Variants in PTPN11 observed in about 807,000 individuals in gnomAD.
The protein encoded by PTPN11 is tyrosine-protein phosphatase non-receptor type 11.
In PTPN11, 6 loss-of-function variants were observed where a neutral mutation model predicts 78.8. That is an observed-to-expected ratio of 0.08 (90% CI 0.04 to 0.15). PTPN11 has a LOEUF of 0.15. PTPN11 is among the 10% of genes least tolerant of loss of function. PTPN11 has a pLI of 1.00. For synonymous variants in PTPN11, 221 were observed against 263.5 expected (o/e 0.84, Z 1.56); for missense variants, 386 against 744.8 (o/e 0.52, Z 5.61).
intron 9 of PTPN11, among the ~76,000 whole-genome samples, chr12:112,481,076 C>T (rs1028523593): frequency 2.0e-5 from 3 of 152,154 alleles, no homozygotes; most frequent in Admixed American, 6.5e-5. Context: ...GGGAAAGTGA[C>T]GTGTAGAGGA....
intron 10 of PTPN11, among the ~76,000 whole-genome samples, chr12:112,483,735 G>C (rs1290539195): frequency 6.6e-6 from 1 of 152,168 alleles, no homozygotes; most frequent in South Asian, 2.1e-4. Flanking sequence ...TGCCCAGGGT[G>C]CCTGAAAGAA....
At chr12:112,437,502 T>C (rs577934267) in intron 1 of PTPN11, among the ~76,000 whole-genome samples, 19 of 152,330 alleles carry the variant, frequency 1.2e-4, no homozygotes, top group Middle Eastern at 6.8e-3. Context: ...TGGTTCTAAC[T>C]ACTTTGTTAC....
chr12:112,503,742 A>C (rs2135930077), intron 14 of PTPN11, among the ~76,000 whole-genome samples: 1 of 152,292 alleles, frequency 6.6e-6, no homozygotes, highest in South Asian at 2.1e-4. Flanking sequence ...TGTGACAGAC[A>C]GCCTGTCTGC....
chr12:112,449,119 T>A (rs1044579983), intron 2 of PTPN11, among the ~76,000 whole-genome samples: 1 of 150,888 alleles, frequency 6.6e-6, no homozygotes, highest in Admixed American at 6.6e-5. Context: ...TCTGCTGACC[T>A]CAGGTGATCC....
At chr12:112,469,634 GC>G (rs1476312109) in intron 6 of PTPN11, among the ~76,000 whole-genome samples, 2 of 151,798 alleles carry the variant, frequency 1.3e-5, no homozygotes, top group Non-Finnish European at 2.9e-5. Context: ...CCTGCCTCAG[GC>G]TTCCAAGTAG....
chr12:112,493,402 T>C (rs78925512), intron 13 of PTPN11, among the ~76,000 whole-genome samples: 2 of 148,588 alleles, frequency 1.3e-5, no homozygotes, highest in Non-Finnish European at 3.0e-5. Flanking sequence ...TTTTTTTTTT[T>C]GAGATGGAGT....
intron 13 of PTPN11, among the ~76,000 whole-genome samples, chr12:112,500,932 A>T: frequency 6.6e-6 from 1 of 150,836 alleles, no homozygotes; most frequent in African/African-American, 2.4e-5. Context: ...CTTTTTAGAG[A>T]TGGGTCTTGT....
At chr12:112,450,623 T>A (rs1327009302) in intron 3 of PTPN11, 111 bp downstream of exon 3, 16 of 1,040,390 alleles carry the variant, frequency 1.5e-5, no homozygotes, top group Non-Finnish European at 2.2e-5. Flanking sequence ...TGTGACTGTT[T>A]TTTGAGCTGT....
intron 1 of PTPN11, among the ~76,000 whole-genome samples, chr12:112,429,171 C>T (rs1488066262): frequency 6.6e-6 from 1 of 152,112 alleles, no homozygotes; most frequent in Non-Finnish European, 1.5e-5. Flanking sequence ...CATAATTATG[C>T]ATGAGAAGTA....
rs11320404 is a variant in PTPN11 at position 112,456,458 on chromosome 12, C to CT, written c.756+413dup. On this transcript the variant is annotated intron_variant, in intron 6 of 15. Coordinates refer to ENST00000351677, the MANE Select transcript of PTPN11 (RefSeq NM_002834.5). ...GTAAAAGAGAAACACCTTGTGGTGG[C>CT]TTTTTTTTTTTTTTTTTTGAGACAG... 5.2e-3 allele frequency among the ~76,000 whole-genome samples: 649 copies of CT among 124,532 alleles called. 3 individuals carry two copies. Among genetic ancestry groups the CT allele is most frequent in the African/African-American group, 0.011 (359 of 33,778 alleles). The allele number at this position is 124,532 out of a possible 152,430, so 81.7% of individuals were successfully genotyped here.
chr12:112,445,536 GATTT>G (rs2037979700), intron 1 of PTPN11, among the ~76,000 whole-genome samples: 1 of 152,034 alleles, frequency 6.6e-6, no homozygotes, highest in Non-Finnish European at 1.5e-5. Context: ...AACATCATGG[GATTT>G]ATTCTGGCTT....
Position 112,472,895 on chromosome 12 carries a change from T to C in PTPN11, c.757-49T>C. 2.1e-6 allele frequency: 3 copies of C among 1,433,690 alleles called. No individual in the cohort carries two copies. In the South Asian group the frequency reaches 3.5e-5, roughly 17 times the overall value. The allele number at this position is 1,433,690 out of a possible 1,614,324, so 88.8% of individuals were successfully genotyped here. Reference sequence around the variant, plus strand: ...AATGCTGATCCAGGCTTTTTTCTTTTTCTGTGACTCTTTGACACGTAATAA... The same window carrying C: ...AATGCTGATCCAGGCTTTTTTCTTTCTCTGTGACTCTTTGACACGTAATAA... On this transcript the variant is annotated intron_variant, in intron 6 of 15. Transcript: ENST00000351677.
chr12:112,420,198 G>T (rs2037500178), intron 1 of PTPN11, among the ~76,000 whole-genome samples: 1 of 152,074 alleles, frequency 6.6e-6, no homozygotes, highest in African/African-American at 2.4e-5. Flanking sequence ...TAGTGATCCT[G>T]CTATTTTGTA....
intron 13 of PTPN11, among the ~76,000 whole-genome samples, chr12:112,493,925 G>A (rs531058182): frequency 6.6e-6 from 1 of 152,250 alleles, no homozygotes; most frequent in East Asian, 1.9e-4. Flanking sequence ...TGTCATCCAT[G>A]TTCTTGCAAA....
chr12:112,486,256 C>T (rs572850075), intron 10 of PTPN11, among the ~76,000 whole-genome samples: 1 of 152,172 alleles, frequency 6.6e-6, no homozygotes, highest in Admixed American at 6.5e-5. Context: ...GAACAAATTG[C>T]CATGCCAGAC....
intron 10 of PTPN11, among the ~76,000 whole-genome samples, chr12:112,483,797 A>G (rs2038633535): frequency 6.6e-6 from 1 of 152,120 alleles, no homozygotes; most frequent in Non-Finnish European, 1.5e-5. Context: ...TCAGTGAAGG[A>G]GTGTACCAAG....
chr12:112,451,926 A>C (rs994744315), intron 3 of PTPN11, among the ~76,000 whole-genome samples: 21 of 152,118 alleles, frequency 1.4e-4, no homozygotes, highest in Admixed American at 1.4e-3. Flanking sequence ...CCCAGGCTGG[A>C]GTCAAGTGAC....
intron 6 of PTPN11, among the ~76,000 whole-genome samples, chr12:112,465,419 A>C (rs2038311398): frequency 6.8e-6 from 1 of 147,836 alleles, no homozygotes; most frequent in South Asian, 2.1e-4. Flanking sequence ...TGAGTGTATC[A>C]CAAAAAAAAA....
intron 1 of PTPN11, among the ~76,000 whole-genome samples, chr12:112,436,708 G>C (rs919907133): frequency 6.6e-6 from 1 of 150,504 alleles, no homozygotes; most frequent in Non-Finnish European, 1.5e-5. Context: ...AGAAATGAAG[G>C]CTTTTTTTTT....
Sources: allele counts gnomAD v4.1 joint callset (sites outside exome capture counted in the v4.1 genomes callset), GRCh38; gene constraint gnomAD v4.1.1; transcripts MANE v1.5; gene names NCBI Gene and HGNC (gene_info 2026-07-23, HGNC 2026-07-21).